Variants in SLC26A4 observed in about 807,000 individuals in gnomAD.
SLC26A4 encodes the protein pendrin.
A neutral mutation model predicts 90.4 loss-of-function variants in SLC26A4; 93 were observed. The ratio of observed to expected loss-of-function variants is 1.03; its 90% CI spans 0.87 to 1.22. The LOEUF (loss-of-function observed/expected upper bound fraction) is 1.22. SLC26A4 is among the 50% of genes most tolerant of loss of function. The pLI, the probability that SLC26A4 is intolerant of heterozygous loss-of-function variation, is 0.00. For synonymous variants in SLC26A4, 393 were observed against 354.6 expected (o/e 1.11, Z -1.22); for missense variants, 1,127 against 946.2 (o/e 1.19, Z -2.51).
chr7:107,713,491 A>G (rs1209486215), intron 20 of SLC26A4, among the ~76,000 whole-genome samples: 4 of 152,146 alleles, frequency 2.6e-5, no homozygotes, highest in Non-Finnish European at 5.9e-5. Flanking sequence ...CAAATATTTG[A>G]GAATAGTTCT....
chr7:107,661,524 A>AG lies in SLC26A4; in HGVS notation c.-3-109dup, dbSNP rs200483647. 0.017 allele frequency: 19,890 copies of AG among 1,177,642 alleles called. 196 individuals carry two copies. Among genetic ancestry groups the AG allele is most frequent in the Non-Finnish European group, 0.02 (16,636 of 825,044 alleles). The allele number at this position is 1,177,642 out of a possible 1,614,324, so 72.9% of individuals were successfully genotyped here. On this transcript the variant is annotated intron_variant, in intron 1 of 20. Transcript: ENST00000644269. This position sits in a 1 kb window ranked among gnomAD's most constrained non-coding sequence, Gnocchi z 5.1. ...AGGACGCGGACCAGACTCGCGGTGC[A>AG]GGGGGGCCTGGCTGCAGCTAACAGG...
At chr7:107,715,016 G>T (rs1266763187) in intron 20 of SLC26A4, among the ~76,000 whole-genome samples, 1 of 149,714 alleles carries the variant, frequency 6.7e-6, no homozygotes, top group Non-Finnish European at 1.5e-5. Flanking sequence ...CTTGAGGTCA[G>T]GAGTTTGAGA....
chr7:107,687,276 GAGGGCA>G (rs1307698016), intron 8 of SLC26A4, among the ~76,000 whole-genome samples: 1 of 152,206 alleles, frequency 6.6e-6, no homozygotes, highest in Admixed American at 6.5e-5. Flanking sequence ...TCCACAGAAG[GAGGGCA>G]AGGGCAAGGG....
At chr7:107,682,581 A>G (rs1414582311) in intron 6 of SLC26A4, among the ~76,000 whole-genome samples, 1 of 152,096 alleles carries the variant, frequency 6.6e-6, no homozygotes, top group Non-Finnish European at 1.5e-5. Context: ...GTTATTATCT[A>G]TATCATTCAG....
At position 107,672,246 on chromosome 7, in the gene SLC26A4, T is replaced by A. The variant is rs1790890770; in HGVS notation, c.413T>A (p.Val138Asp). 1 of 1,558,098 alleles carries A rather than the reference T, an allele frequency of 6.4e-7. No homozygotes were observed. The highest frequency in any genetic ancestry group is 8.9e-7 in the Non-Finnish European group (1 of 1,129,266). The change falls in exon 4 of 21, where the codon GTT becomes GAT. Residue 138 changes from valine (V) to aspartate (D), a missense_variant and splice_region_variant. Physicochemically the swap from Val to Asp is radical, Grantham distance 152. Transcript: ENST00000644269. ...TTTGGAACATCAAGACATATCTCAG[T>A]TGGTAATTATAAGTATATTTTACAA... ...FIFGTSRHIS[V>D]GPFPVVSLMV...
chr7:107,715,738 T>C lies in SLC26A4; in HGVS notation c.*292T>C, dbSNP rs989084620. 4.1e-6 allele frequency: 2 copies of C among 482,920 alleles called. No individual in the cohort carries two copies. Among genetic ancestry groups the C allele is most frequent in the African/African-American group, 3.9e-5 (2 of 51,648 alleles). The allele number at this position is 482,920 out of a possible 1,614,324, so 29.9% of individuals were successfully genotyped here. A position where few individuals can be genotyped will look rare whatever the true frequency, so the allele number is the denominator to read the frequency against. On this transcript the variant is annotated 3_prime_UTR_variant, in exon 21 of 21. Transcript: ENST00000644269. The stretch of plus-strand genomic sequence containing the variant: ...AATAATGTTCACGTGGGCCCTGGCA[T>C]ATCTCTGTTCAGTTAGAGTGAGTGC...
Position 107,696,054 on chromosome 7 carries a change from A to G in SLC26A4, c.1544+15A>G, listed in dbSNP as rs773738816. The G allele has an allele frequency of 2.1e-6, 3 of 1,397,274 alleles. No homozygotes were observed. The Admixed American group carries it at 5.0e-5, about 23-fold the overall frequency. The allele number at this position is 1,397,274 out of a possible 1,614,324, so 86.6% of individuals were successfully genotyped here. On this transcript the variant is annotated intron_variant, in intron 13 of 20. Transcript: ENST00000644269. ...AGAGTTCAGTTGTGAGTAACGTAAA[A>G]CCCAGATTTCCTATAAACAGAACAA...
At chr7:107,673,823 A>G (rs1790939024) in intron 4 of SLC26A4, among the ~76,000 whole-genome samples, 1 of 151,954 alleles carries the variant, frequency 6.6e-6, no homozygotes, top group African/African-American at 2.4e-5. Context: ...CCACCTCCCC[A>G]GCTCAAGCAA....
Position 107,683,705 on chromosome 7 carries a change from A to G in SLC26A4, c.1001+168A>G, listed in dbSNP as rs28566998. Among the ~76,000 whole-genome samples the G allele has an allele frequency of 0.014, 2,160 of 152,332 alleles. 47 individuals carry two copies. The highest frequency in any genetic ancestry group is 0.047 in the African/African-American group (1,968 of 41,558). ...CATAAGACAAACAGTATGTGTGTAG[A>G]TAAACGTCAAGCCATTTGTTTAAAA... On this transcript the variant is annotated intron_variant, in intron 8 of 20. Transcript: ENST00000644269.
At chr7:107,692,201 A>C (rs1791595615) in intron 10 of SLC26A4, 1 of 630,994 alleles carries the variant, frequency 1.6e-6, no homozygotes. Flanking sequence ...GGATGCCAGG[A>C]TTTCAGCATT....
At position 107,690,234 on chromosome 7, in the gene SLC26A4, A is replaced by G. The variant is rs769217814; in HGVS notation, c.1260A>G (p.Thr420=). ...TAVQESTGGK[T]QVAGIISAAI... ...TCCAGGAGAGCACTGGAGGAAAGAC[A>G]CAGGTAGGAACAACAGCCTTATGAT... The change falls in exon 10 of 21, where the codon ACA becomes ACG. Residue 420 remains threonine (T), a synonymous_variant. Coordinates refer to ENST00000644269, the MANE Select transcript of SLC26A4 (RefSeq NM_000441.2). 2 of 1,551,138 alleles carry G rather than the reference A, an allele frequency of 1.3e-6. No individual in the cohort carries two copies. The highest frequency in any genetic ancestry group is 1.1e-5 in the South Asian group (1 of 89,850).
chr7:107,704,219 C>A, intron 17 of SLC26A4, 112 bp from the exon 18 acceptor site: 1 of 669,414 alleles, frequency 1.5e-6, no homozygotes, highest in South Asian at 1.6e-5. Context: ...TCCTTAAAGT[C>A]CTGATTAACC....
At chr7:107,682,661 A>AACAC (rs112224987) in intron 6 of SLC26A4, among the ~76,000 whole-genome samples, 6 of 150,740 alleles carry the variant, frequency 4.0e-5, no homozygotes, top group Admixed American at 3.3e-4. Context: ...AGAAAGAAAG[A>AACAC]ACACACACAC....
chr7:107,664,422 G>A (rs555128376), intron 3 of SLC26A4, among the ~76,000 whole-genome samples: 42 of 152,240 alleles, frequency 2.8e-4, no homozygotes, highest in Middle Eastern at 3.4e-3. Flanking sequence ...AGTAGAGATG[G>A]GGTTTCGCCA....
intron 6 of SLC26A4, among the ~76,000 whole-genome samples, chr7:107,680,308 C>CTTATATAATG (rs1562827500): frequency 2.2e-5 from 2 of 92,868 alleles, no homozygotes; most frequent in Non-Finnish European, 3.7e-5. Context: ...ATAATATAAT[C>CTTATATAATG]TTATATTATT....
rs968796859 is a variant in SLC26A4, at chr7:107,673,281, G to GA, written c.416-874dup. 1.5e-3 allele frequency among the ~76,000 whole-genome samples: 221 copies of GA among 150,526 alleles called. 11 individuals are homozygous for GA. In the South Asian group the frequency reaches 0.044, roughly 30 times the overall value. ...AACAGTAGTGAACGGAGCAATTGCTGAAAAAAAAATATTTTTTAAAATATA... is the reference window on the plus strand; with the variant it reads ...AACAGTAGTGAACGGAGCAATTGCTGAAAAAAAAAATATTTTTTAAAATATA... On this transcript the variant is annotated intron_variant, in intron 4 of 20. Coordinates refer to ENST00000644269, the MANE Select transcript of SLC26A4 (RefSeq NM_000441.2).
In SLC26A4 at chr7:107,663,403, G is replaced by T. The variant is rs1304179951; in HGVS notation, c.272G>T (p.Gly91Val). 6.2e-7 allele frequency: 1 copy of T among 1,614,130 alleles called. No individual in the cohort carries two copies. Reference sequence around the variant, plus strand: ...TGGCTGCTTAGTGACGTCATTTCGGGAGTTAGTACTGGGCTAGTGGCCACG... The same window carrying T: ...TGGCTGCTTAGTGACGTCATTTCGGTAGTTAGTACTGGGCTAGTGGCCACG... ...KEWLLSDVIS[G>V]VSTGLVATLQ... is the part of the protein sequence containing the mutation. The change falls in exon 3 of 21, where the codon GGA (glycine) becomes GTA (valine). Residue 91 changes from glycine to valine, a missense_variant. Transcript: ENST00000644269.
chr7:107,663,005 C>T (rs1790603725), intron 2 of SLC26A4, among the ~76,000 whole-genome samples: 1 of 152,110 alleles, frequency 6.6e-6, no homozygotes, highest in African/African-American at 2.4e-5. Context: ...CAGTCTCTGG[C>T]TGGACCAGAA....
rs1260614145 is a variant in SLC26A4, at chr7:107,694,697, G to A, written c.1418G>A (p.Arg473Lys). 1 of 1,612,028 alleles carries A rather than the reference G, an allele frequency of 6.2e-7. No homozygotes were observed. Among genetic ancestry groups the A allele is most frequent in the African/African-American group, 1.3e-5 (1 of 74,884 alleles). ...CTGTGTGACATTCCTCGTCTGTGGA[G>A]ACAGAATAAGATTGATGCTGTAAGT... The part of the protein sequence containing the change: ...MQLCDIPRLW[R>K]QNKIDAVIWV... The change falls in exon 12 of 21, where the codon AGA becomes AAA. Residue 473 changes from arginine (R) to lysine (K), a missense_variant. Coordinates refer to ENST00000644269, the MANE Select transcript of SLC26A4 (RefSeq NM_000441.2).
Sources: allele counts gnomAD v4.1 joint callset (sites outside exome capture counted in the v4.1 genomes callset), GRCh38; gene constraint gnomAD v4.1.1; non-coding constraint Gnocchi (gnomAD v3.1); transcripts MANE v1.5; gene names NCBI Gene and HGNC (gene_info 2026-07-23, HGNC 2026-07-21).